The following GPN2 variants were observed in gnomAD, a reference collection of about 807,000 sequenced individuals.
GPN2 encodes the protein ATP-binding domain 1 family member B.
Under a neutral mutation model 30.1 loss-of-function variants are expected in GPN2, and 27 were observed. The ratio of observed to expected loss-of-function variants is 0.90; its 90% CI spans 0.66 to 1.24. The LOEUF is 1.24. GPN2 is among the 50% of genes most tolerant of loss of function. GPN2 has a pLI of 0.00. For missense variants in GPN2, 406 were observed against 405.4 expected, an observed-to-expected ratio of 1.00 and a Z score of -0.01; for synonymous variants, 212 against 174.4, an observed-to-expected ratio of 1.22 and a Z score of -1.70.
chr1:26,885,577 T>C (rs2081886219), intron 3 of GPN2, among the ~76,000 whole-genome samples: 1 of 145,610 alleles, frequency 6.9e-6, no homozygotes, highest in Admixed American at 6.8e-5. Context: ...CAAAGACCAC[T>C]CTTTTTTTTT....
rs751921474 is a variant in GPN2 at position 26,888,994 on chromosome 1, G to A, written c.543C>T (p.Asp181=). 8 of 1,614,208 alleles carry A rather than the reference G, an allele frequency of 5.0e-6. No individual in the cohort carries two copies. Among genetic ancestry groups the A allele is most frequent in the African/African-American group, 1.3e-5 (1 of 75,058 alleles). The part of the protein sequence containing the change: ...LPHINLLSKM[D]LIEHYGKLAF... ...CCAGCTTCCCATAATGCTCAATGAG[G>A]TCCATCTTGGAAAGGAGGTTGATGT... The change falls in exon 2 of 5, where the codon GAC becomes GAT. Residue 181 remains aspartate (D), a synonymous_variant. Transcript: ENST00000374135.
rs755949238 is a variant in GPN2, at chr1:26,889,700, G to T, written c.397C>A (p.Gln133Lys). 1 of 1,584,650 alleles carries T rather than the reference G, an allele frequency of 6.3e-7. No homozygotes were observed. Among genetic ancestry groups the T allele is most frequent in the South Asian group, 1.1e-5 (1 of 87,418 alleles). ...ALRSIFSQMA[Q>K]WDLRLTAVHL... Reference sequence around the variant, plus strand: ...CTGAGACGCACCCTGAGGTCCCACTGCGCCATTTGGGAGAAGATGCTGCGC... The same window carrying T: ...CTGAGACGCACCCTGAGGTCCCACTTCGCCATTTGGGAGAAGATGCTGCGC... Residue 133 changes from glutamine (Q) to lysine (K), a missense_variant, in exon 1 of 5, where the codon CAG becomes AAG. Transcript: ENST00000374135.
chr1:26,879,770 G>A, intron 4 of GPN2, 21 bp from the exon 5 acceptor site: 1 of 1,589,448 alleles, frequency 6.3e-7, no homozygotes, highest in Non-Finnish European at 8.6e-7. Context: ...GTGCGTCAAG[G>A]CTGATAGCAT....
chr1:26,889,408 T>C (rs2081908370), intron 1 of GPN2, among the ~76,000 whole-genome samples: 1 of 152,116 alleles, frequency 6.6e-6, no homozygotes, highest in African/African-American at 2.4e-5. Flanking sequence ...TACAACAATC[T>C]CCATGCCACT....
At chr1:26,881,059 T>C (rs1262720214) in intron 4 of GPN2, among the ~76,000 whole-genome samples, 2 of 152,218 alleles carry the variant, frequency 1.3e-5, no homozygotes, top group Non-Finnish European at 2.9e-5. Flanking sequence ...ATGTATATGG[T>C]TAAAAATACT....
intron 2 of GPN2, chr1:26,886,532 A>T (rs957683469): frequency 1.3e-5 from 6 of 447,750 alleles, no homozygotes; most frequent in Middle Eastern, 7.0e-4. Context: ...TCTCCTAAAA[A>T]TACAAAATTA....
rs1255301630 is a variant in GPN2, at chr1:26,876,553, A to G, written c.*3124T>C. On this transcript the variant is annotated 3_prime_UTR_variant, in exon 5 of 5. Transcript: ENST00000374135. ...TTTTCTAAGTTTTTTACTTTCCTAT[A>G]TTTATTAGGAAATTTAAAAATAATC... The G allele has an allele frequency of 6.6e-6, 1 of 152,008 alleles. No homozygotes were observed. Among genetic ancestry groups the G allele is most frequent in the Non-Finnish European group, 1.5e-5 (1 of 68,016 alleles). 9.4% of individuals were successfully genotyped at this position (152,008 alleles called of 1,614,324 possible). A position where few individuals can be genotyped will look rare whatever the true frequency, so the allele number is the denominator to read the frequency against.
rs1429926788 is a variant in GPN2 at position 26,876,651 on chromosome 1, C to T, written c.*3026G>A. On this transcript the variant is annotated 3_prime_UTR_variant, in exon 5 of 5. Coordinates refer to ENST00000374135, the MANE Select transcript of GPN2 (RefSeq NM_018066.4). ...TCTACCCTAGACATTTCACACTGAA[C>T]AGGCCTCACTTGGATCTCGGACATC... The T allele has an allele frequency of 6.6e-6, 1 of 152,174 alleles. No homozygotes were observed. Among genetic ancestry groups the T allele is most frequent in the African/African-American group, 2.4e-5 (1 of 41,448 alleles). The allele number at this position is 152,174 out of a possible 1,614,324, so 9.4% of individuals were successfully genotyped here.
chr1:26,879,805 G>T, intron 4 of GPN2, 56 bp from the exon 5 acceptor site: 1 of 1,251,518 alleles, frequency 8.0e-7, no homozygotes, highest in Non-Finnish European at 1.2e-6. Context: ...GAGCTGGTCT[G>T]GGCAGGATCT....
rs2081911806 is a variant in GPN2, at chr1:26,889,876, C to G, written c.221G>C (p.Arg74Pro). 6.2e-7 allele frequency: 1 copy of G among 1,611,706 alleles called. No homozygotes were observed. The highest frequency in any genetic ancestry group is 8.5e-7 in the Non-Finnish European group (1 of 1,178,812). The change falls in exon 1 of 5, where the codon CGC becomes CCC. Residue 74 changes from arginine (R) to proline (P), a missense_variant. Physicochemically the swap from Arg to Pro is moderately radical, Grantham distance 103. Coordinates refer to ENST00000374135, the MANE Select transcript of GPN2 (RefSeq NM_018066.4). ...GAGCAGGCCGCCGTTGGGCCCCAGGCGCAGCGCGTCCATCACGTCGCCCAG... is the reference window on the plus strand; with the variant it reads ...GAGCAGGCCGCCGTTGGGCCCCAGGGGCAGCGCGTCCATCACGTCGCCCAG... ...VGLGDVMDALRLGPNGGLLYC... is the reference protein window; with the variant it reads ...VGLGDVMDALPLGPNGGLLYC...
intron 4 of GPN2, among the ~76,000 whole-genome samples, chr1:26,881,481 C>G (rs757650637): frequency 1.3e-5 from 2 of 152,196 alleles, no homozygotes; most frequent in Non-Finnish European, 2.9e-5. Flanking sequence ...TAAAGTTGAG[C>G]CATCATAAGT....
Position 26,884,354 on chromosome 1 carries a change from C to A in GPN2, c.730-64G>T, listed in dbSNP as rs2081880494. 2.6e-6 allele frequency: 4 copies of A among 1,523,872 alleles called. No homozygotes were observed. In the African/African-American group the frequency reaches 5.5e-5, roughly 21 times the overall value. 94.4% of individuals were successfully genotyped at this position (1,523,872 alleles called of 1,614,324 possible). On this transcript the variant is annotated intron_variant, in intron 3 of 4. Coordinates refer to ENST00000374135, the MANE Select transcript of GPN2 (RefSeq NM_018066.4). ...AGAAGTATGTAAAACTGCTTGCAAT[C>A]TCTAAATACACCTTCCTCCATCTTG...
chr1:26,883,957 G>A (rs186258412), intron 4 of GPN2, among the ~76,000 whole-genome samples: 254 of 150,866 alleles, frequency 1.7e-3, no homozygotes, highest in Middle Eastern at 0.01. Flanking sequence ...GGAGAGTGGC[G>A]TGAACCCGGG....
intron 4 of GPN2, among the ~76,000 whole-genome samples, 160 bp downstream of exon 4, chr1:26,884,000 A>G (rs1178065262): frequency 2.0e-5 from 3 of 149,602 alleles, no homozygotes; most frequent in African/African-American, 7.4e-5. Flanking sequence ...AGATCGTGCC[A>G]CTGCACTCCA....
At chr1:26,882,879 C>T (rs2081871504) in intron 4 of GPN2, among the ~76,000 whole-genome samples, 1 of 152,242 alleles carries the variant, frequency 6.6e-6, no homozygotes. Context: ...GCTCCCTCCT[C>T]CTTTTCCTGC....
chr1:26,888,618 G>C (rs182133174), intron 2 of GPN2, among the ~76,000 whole-genome samples: 12 of 152,342 alleles, frequency 7.9e-5, no homozygotes, highest in Admixed American at 7.2e-4. Flanking sequence ...CTGAGGTCCA[G>C]AGAGATGAAC....
Position 26,877,072 on chromosome 1 carries a change from C to T in GPN2, c.*2605G>A, listed in dbSNP as rs1337602412. 1 of 152,240 alleles carries T rather than the reference C, an allele frequency of 6.6e-6. No individual in the cohort carries two copies. The highest frequency in any genetic ancestry group is 2.4e-5 in the African/African-American group (1 of 41,438). 9.4% of individuals were successfully genotyped at this position (152,240 alleles called of 1,614,324 possible). On this transcript the variant is annotated 3_prime_UTR_variant, in exon 5 of 5. Transcript: ENST00000374135. Reference sequence around the variant, plus strand: ...TAGCCTGGGCGTCAGGATTCCTGGGCTCTAGGCCCCACAGGTGATTCACAG... The same window carrying T: ...TAGCCTGGGCGTCAGGATTCCTGGGTTCTAGGCCCCACAGGTGATTCACAG...
At chr1:26,885,945 T>C (rs369979880) in intron 3 of GPN2, 28 bp downstream of exon 3, 70 of 1,569,950 alleles carry the variant, frequency 4.5e-5, no homozygotes, top group Non-Finnish European at 5.4e-5. Flanking sequence ...CCATGCACTG[T>C]CAAGAGTCCC....
intron 2 of GPN2, chr1:26,886,588 A>G (rs113312820): frequency 0.13 from 52,719 of 398,170 alleles, 3,999 homozygotes; most frequent in Non-Finnish European, 0.17. Context: ...ACTTTGGGAG[A>G]TGGACGGATC....
Sources: gnomAD v4.1 joint callset for allele counts (sites outside exome capture counted in the v4.1 genomes callset) on GRCh38, gnomAD v4.1.1 for gene constraint, MANE v1.5 for transcripts, NCBI Gene and HGNC (gene_info 2026-07-23, HGNC 2026-07-21) for gene names.